The following GNG7 variants were observed in gnomAD, a reference collection of about 807,000 sequenced individuals.
The protein encoded by GNG7 is G protein subunit gamma 7.
Under a neutral mutation model 4.0 loss-of-function variants are expected in GNG7, and 1 was observed. The ratio of observed to expected loss-of-function variants is 0.25; its 90% CI spans 0.09 to 1.18. GNG7 has a LOEUF of 1.18. Ranked by LOEUF, GNG7 falls within the 50% of genes most tolerant of loss-of-function variation. GNG7 has a pLI of 0.50. For synonymous variants in GNG7, 34 were observed against 36.9 expected (o/e 0.92, Z 0.29); for missense variants, 86 against 91.9 (o/e 0.94, Z 0.26).
rs1981493751 is a variant in GNG7 at position 2,609,452 on chromosome 19, C to G, written c.-78+36772G>C. On this transcript the variant is annotated intron_variant, in intron 2 of 4. Transcript: ENST00000382159. This position sits in a 1 kb window ranked among gnomAD's most constrained non-coding sequence, Gnocchi z 4.4. ...CTGGTCCTGCCCTGGGATTTGGGAG[C>G]CGACAGGTCCGGGTAACAACTGCAG... Among the ~76,000 whole-genome samples the G allele has an allele frequency of 6.6e-6, 1 of 152,112 alleles. No homozygotes were observed. Among genetic ancestry groups the G allele is most frequent in the African/African-American group, 2.4e-5 (1 of 41,440 alleles).
chr19:2,548,468 G>A (rs1479256597), intron 3 of GNG7, among the ~76,000 whole-genome samples: 39 of 124,784 alleles, frequency 3.1e-4, no homozygotes, highest in East Asian at 2.5e-3. Context: ...GCGACAGAGC[G>A]AGGCTCTGTC....
At chr19:2,555,366 T>G (rs976484987) in intron 2 of GNG7, among the ~76,000 whole-genome samples, 178 bp from the exon 3 acceptor site, 14 of 152,194 alleles carry the variant, frequency 9.2e-5, no homozygotes, top group African/African-American at 3.4e-4. Flanking sequence ...ATCCACTTTA[T>G]TCTTTACCAC....
At chr19:2,515,722 G>A (rs966034368) in intron 4 of GNG7, among the ~76,000 whole-genome samples, 11 of 151,458 alleles carry the variant, frequency 7.3e-5, no homozygotes, top group African/African-American at 1.7e-4. Context: ...CACTGCGCCC[G>A]GCCGTGTGAT....
At chr19:2,625,259 A>G (rs1392418155) in intron 2 of GNG7, among the ~76,000 whole-genome samples, 1 of 152,070 alleles carries the variant, frequency 6.6e-6, no homozygotes, top group African/African-American at 2.4e-5. Context: ...TTTTGTAGAC[A>G]AGGGGGTCTC....
chr19:2,638,475 A>G (rs1189992667), intron 2 of GNG7, among the ~76,000 whole-genome samples: 2 of 16,554 alleles, frequency 1.2e-4, no homozygotes, highest in Admixed American at 7.4e-4. Flanking sequence ...GGGGAGGGGA[A>G]GGGGAGGGGA....
Position 2,638,443 on chromosome 19 carries a change from G to A in GNG7, c.-78+7781C>T, listed in dbSNP as rs1308414204. 1.7e-3 allele frequency among the ~76,000 whole-genome samples: 85 copies of A among 49,072 alleles called. 1 individual carries two copies. Among genetic ancestry groups the A allele is most frequent in the African/African-American group, 6.5e-3 (79 of 12,182 alleles). 32.2% of individuals were successfully genotyped at this position (49,072 alleles called of 152,430 possible). ...GGAAGGGGAAGGAGGGGAAGGGGAG[G>A]GGGAGGGGAGGGGGAGGGAAAGGGG... On this transcript the variant is annotated intron_variant, in intron 2 of 4. Transcript: ENST00000382159.
At chr19:2,692,972 TA>T (rs1419625245) in intron 1 of GNG7, among the ~76,000 whole-genome samples, 2 of 149,550 alleles carry the variant, frequency 1.3e-5, no homozygotes, top group Non-Finnish European at 3.0e-5. Context: ...GGTAACGGAG[TA>T]AGCCCCTATC....
intron 1 of GNG7, among the ~76,000 whole-genome samples, chr19:2,680,755 G>C (rs977213849): frequency 6.6e-6 from 1 of 151,464 alleles, no homozygotes; most frequent in Non-Finnish European, 1.5e-5. Context: ...TTGTATTTTA[G>C]TAGAGGCGGG....
intron 3 of GNG7, among the ~76,000 whole-genome samples, chr19:2,549,295 T>TG (rs1243136778): frequency 6.8e-6 from 1 of 147,404 alleles, no homozygotes. Context: ...AGGGCTGTGT[T>TG]TTTTTTTTTT....
chr19:2,550,030 G>A (rs1047180706), intron 3 of GNG7, among the ~76,000 whole-genome samples: 3 of 152,286 alleles, frequency 2.0e-5, no homozygotes, highest in African/African-American at 4.8e-5. Context: ...AGGAAGTGCC[G>A]AGGCCTCTTT....
Position 2,557,590 on chromosome 19 carries a change from C to CG in GNG7, c.-77-2403dup, listed in dbSNP as rs780746037. Among the ~76,000 whole-genome samples the CG allele has an allele frequency of 1.3e-5, 2 of 149,920 alleles. No individual in the cohort carries two copies. Among genetic ancestry groups the CG allele is most frequent in the Non-Finnish European group, 3.0e-5 (2 of 67,682 alleles). On this transcript the variant is annotated intron_variant, in intron 2 of 4. Coordinates refer to ENST00000382159, the MANE Select transcript of GNG7 (RefSeq NM_052847.3). This position sits in a 1 kb window ranked among gnomAD's most constrained non-coding sequence, Gnocchi z 5.1. ...GTTTCAGGACCGTGATAGAGAAAGACGGGAAGTTAGACTTCTGACCCATCA... is the reference window on the plus strand; with the variant it reads ...GTTTCAGGACCGTGATAGAGAAAGACGGGGAAGTTAGACTTCTGACCCATCA...
intron 1 of GNG7, among the ~76,000 whole-genome samples, chr19:2,674,407 A>C (rs1363551502): frequency 6.6e-6 from 1 of 151,896 alleles, no homozygotes; most frequent in East Asian, 1.9e-4. Context: ...CAAGGTCTCC[A>C]AAGGTGACTG....
At chr19:2,650,317 C>G (rs937321818) in intron 1 of GNG7, among the ~76,000 whole-genome samples, 8 of 151,476 alleles carry the variant, frequency 5.3e-5, no homozygotes, top group Non-Finnish European at 8.8e-5. Context: ...TCCAGAGTAA[C>G]TGGGATTTCA....
chr19:2,582,523 C>T (rs1980531390), intron 2 of GNG7, among the ~76,000 whole-genome samples: 2 of 151,890 alleles, frequency 1.3e-5, no homozygotes, highest in African/African-American at 2.4e-5. Flanking sequence ...TGCTCTGTTG[C>T]CCAGGCTGGA....
In GNG7 at chr19:2,669,619, G is replaced by A. The variant is rs952483438; in HGVS notation, c.-134-23339C>T. ...CCATGCCCGTTTATGTACTATCTAG[G>A]GCACTTTCCAACATCAACAGCAGAG... On this transcript the variant is annotated intron_variant, in intron 1 of 4. Transcript: ENST00000382159. Among the ~76,000 whole-genome samples the A allele has an allele frequency of 5.3e-5, 8 of 152,130 alleles. No individual in the cohort carries two copies. In the East Asian group the frequency reaches 9.6e-4, roughly 18 times the overall value.
rs1982892571 is a variant in GNG7 at position 2,653,869 on chromosome 19, C to G, written c.-134-7589G>C. On this transcript the variant is annotated intron_variant, in intron 1 of 4. Transcript: ENST00000382159. This position sits in a 1 kb window ranked among gnomAD's most constrained non-coding sequence, Gnocchi z 4.8. The stretch of plus-strand genomic sequence containing the variant: ...CCTTGGCACCACCCAGGCGCTGTCC[C>G]TGGCCTCGCCCATGGCTAACCTTGG... Among the ~76,000 whole-genome samples, 1 of 152,240 alleles carries G rather than the reference C, an allele frequency of 6.6e-6. No individual in the cohort carries two copies. The highest frequency in any genetic ancestry group is 2.4e-5 in the African/African-American group (1 of 41,470).
intron 3 of GNG7, among the ~76,000 whole-genome samples, chr19:2,524,330 T>C (rs895936755): frequency 6.6e-6 from 1 of 152,124 alleles, no homozygotes; most frequent in Non-Finnish European, 1.5e-5. Context: ...AGGACTGCGC[T>C]GTGTGTGTGT....
intron 2 of GNG7, among the ~76,000 whole-genome samples, chr19:2,639,588 A>AAGGAATGGGGTGTTTCTGGTGGTTTTTGT (rs1555699437): frequency 6.7e-6 from 1 of 149,320 alleles, no homozygotes; most frequent in East Asian, 2.0e-4. Context: ...TGTCAAATGT[A>AAGGAATGGGGTGTTTCTGGTGGTTTTTGT]GATGGCAGGC....
intron 1 of GNG7, among the ~76,000 whole-genome samples, chr19:2,694,257 A>G (rs1299930405): frequency 1.3e-5 from 2 of 151,390 alleles, no homozygotes; most frequent in East Asian, 1.9e-4. Context: ...AGGGAATAGC[A>G]CTTAACTAGT....
Sources: allele counts gnomAD v4.1 joint callset (sites outside exome capture counted in the v4.1 genomes callset), GRCh38; gene constraint gnomAD v4.1.1; non-coding constraint Gnocchi (gnomAD v3.1); transcripts MANE v1.5; gene names NCBI Gene and HGNC (gene_info 2026-07-23, HGNC 2026-07-21).